The following CERS6 variants were observed in gnomAD, a reference collection of about 807,000 sequenced individuals.
CERS6 encodes LAG1 homolog, ceramide synthase 6.
A neutral mutation model predicts 56.8 loss-of-function variants in CERS6; 26 were observed. That is an observed-to-expected ratio of 0.46 (90% confidence interval 0.34 to 0.63). CERS6 has a LOEUF of 0.63. CERS6 is among the 30% of genes least tolerant of loss of function. The pLI, the probability that CERS6 is intolerant of heterozygous loss-of-function variation, is 0.01. For missense variants in CERS6, 415 were observed against 467.5 expected, an observed-to-expected ratio of 0.89 and a Z score of 1.04; for synonymous variants, 164 against 173.3, an observed-to-expected ratio of 0.95 and a Z score of 0.42.
At chr2:168,491,324 A>G (rs1694369169) in intron 1 of CERS6, among the ~76,000 whole-genome samples, 2 of 152,232 alleles carry the variant, frequency 1.3e-5, no homozygotes, top group Admixed American at 1.3e-4. Flanking sequence ...GCTGTTTTTC[A>G]TTAAAAGCAG....
intron 3 of CERS6, among the ~76,000 whole-genome samples, chr2:168,604,991 T>C (rs1207666213): frequency 6.6e-6 from 1 of 152,196 alleles, no homozygotes. Context: ...GGTAATGGGC[T>C]TCTCAGAAGA....
At chr2:168,547,794 CA>C (rs1695493678) in intron 2 of CERS6, 93 bp downstream of exon 2, 1 of 851,674 alleles carries the variant, frequency 1.2e-6, no homozygotes, top group Non-Finnish European at 2.0e-6. Context: ...TTTGGAGAAT[CA>C]ACTTTTGCCT....
chr2:168,480,877 G>A (rs1211955428), intron 1 of CERS6, among the ~76,000 whole-genome samples: 8 of 152,206 alleles, frequency 5.3e-5, no homozygotes, highest in African/African-American at 1.9e-4. Context: ...GCCAGAGTCT[G>A]TTGAGGACAT....
intron 3 of CERS6, among the ~76,000 whole-genome samples, chr2:168,624,218 G>A (rs1024142240): frequency 6.6e-6 from 1 of 152,154 alleles, no homozygotes; most frequent in Non-Finnish European, 1.5e-5. Context: ...TTAGAGAAAT[G>A]AAGAGTAAAC....
At position 168,589,056 on chromosome 2, in the gene CERS6, G is replaced by C. The variant is rs1355475217; in HGVS notation, c.407+27734G>C. Among the ~76,000 whole-genome samples, 3 of 152,150 alleles carry C rather than the reference G, an allele frequency of 2.0e-5. No individual in the cohort carries two copies. The East Asian group carries it at 5.8e-4, about 29-fold the overall frequency. On this transcript the variant is annotated intron_variant, in intron 3 of 9. Transcript: ENST00000305747. ...CGCACAGCCCCTGCTTAGTTCTTTT[G>C]GGTATATAGAAGTGGGATTGCTGCA... is the stretch of plus-strand genomic sequence containing the variant.
chr2:168,675,252 G>C, intron 4 of CERS6, among the ~76,000 whole-genome samples: 1 of 152,124 alleles, frequency 6.6e-6, no homozygotes, highest in South Asian at 2.1e-4. Context: ...GATTACAGGC[G>C]TGAGCCACCG....
At chr2:168,579,132 A>T (rs999010363) in intron 3 of CERS6, among the ~76,000 whole-genome samples, 1 of 152,208 alleles carries the variant, frequency 6.6e-6, no homozygotes, top group African/African-American at 2.4e-5. Context: ...TACAGCTTTG[A>T]CAATGGTACA....
rs1240422764 is a variant in CERS6 at position 168,539,219 on chromosome 2, C to A, written c.171-8377C>A. On this transcript the variant is annotated intron_variant, in intron 1 of 9. Coordinates refer to ENST00000305747, the MANE Select transcript of CERS6 (RefSeq NM_203463.3). ...TGACCTCGTGATCCGCCCGCCTCGG[C>A]CTCCCAAAGTGCTGGGATTACAGGC... is the stretch of plus-strand genomic sequence containing the variant. Among the ~76,000 whole-genome samples, 12 of 1,204 alleles carry A rather than the reference C, an allele frequency of 1.0e-2. 6 individuals are homozygous for A. Among genetic ancestry groups the A allele is most frequent in the African/African-American group, 0.01 (12 of 1,174 alleles). The allele number at this position is 1,204 out of a possible 152,430, so 0.8% of individuals were successfully genotyped here. A position where few individuals can be genotyped will look rare whatever the true frequency, so the allele number is the denominator to read the frequency against.
intron 1 of CERS6, among the ~76,000 whole-genome samples, chr2:168,495,794 G>C (rs371907623): frequency 6.6e-6 from 1 of 152,080 alleles, no homozygotes; most frequent in Non-Finnish European, 1.5e-5. Context: ...CCTTTCAGGG[G>C]GGGCATGATT....
intron 8 of CERS6, among the ~76,000 whole-genome samples, chr2:168,727,008 G>A (rs1683371255): frequency 6.6e-6 from 1 of 152,120 alleles, no homozygotes; most frequent in Non-Finnish European, 1.5e-5. Flanking sequence ...AAGTGAATGG[G>A]CATACCACTG....
At chr2:168,498,412 G>A (rs1694513466) in intron 1 of CERS6, among the ~76,000 whole-genome samples, 1 of 152,134 alleles carries the variant, frequency 6.6e-6, no homozygotes, top group South Asian at 2.1e-4. Context: ...GCAGGAAGCA[G>A]AGCCTCTGGC....
In CERS6 at chr2:168,770,379, A is replaced by G. The variant is rs1441886067; in HGVS notation, c.*717A>G. ...GTTGAGGGTTAACCTTGTAGGTTGC[A>G]GAGTGTATTTGTTTGTTTGTTTGTT... On this transcript the variant is annotated 3_prime_UTR_variant, in exon 10 of 10. Transcript: ENST00000305747. 6.6e-6 allele frequency: 1 copy of G among 152,280 alleles called. No individual in the cohort carries two copies. The highest frequency in any genetic ancestry group is 2.4e-5 in the African/African-American group (1 of 41,468). 9.4% of individuals were successfully genotyped at this position (152,280 alleles called of 1,614,324 possible). A position where few individuals can be genotyped will look rare whatever the true frequency, so the allele number is the denominator to read the frequency against.
intron 1 of CERS6, among the ~76,000 whole-genome samples, chr2:168,523,868 C>T (rs569182954): frequency 3.9e-5 from 6 of 152,104 alleles, no homozygotes; most frequent in Non-Finnish European, 7.4e-5. Context: ...GTGGGCATAT[C>T]GGGAAGTATT....
intron 1 of CERS6, among the ~76,000 whole-genome samples, chr2:168,537,620 T>C (rs1013946169): frequency 1.3e-5 from 2 of 152,230 alleles, no homozygotes; most frequent in East Asian, 1.9e-4. Flanking sequence ...ATATAATATT[T>C]CAGGGGTTTC....
intron 3 of CERS6, among the ~76,000 whole-genome samples, chr2:168,610,688 T>C (rs888071816): frequency 6.6e-6 from 1 of 152,204 alleles, no homozygotes; most frequent in Non-Finnish European, 1.5e-5. Flanking sequence ...GAGTAGACCA[T>C]CCCACCCATC....
At chr2:168,634,529 C>T (rs925955062) in intron 4 of CERS6, among the ~76,000 whole-genome samples, 1 of 152,156 alleles carries the variant, frequency 6.6e-6, no homozygotes, top group Non-Finnish European at 1.5e-5. Flanking sequence ...TCTTGTGCCT[C>T]AGCCTCCCAA....
At chr2:168,673,241 G>A (rs1462007697) in intron 4 of CERS6, among the ~76,000 whole-genome samples, 3 of 152,128 alleles carry the variant, frequency 2.0e-5, no homozygotes, top group Non-Finnish European at 2.9e-5. Flanking sequence ...GACACATTGA[G>A]AAGCAATTAC....
intron 1 of CERS6, among the ~76,000 whole-genome samples, chr2:168,507,733 A>G (rs574380320): frequency 1.3e-5 from 2 of 152,062 alleles, no homozygotes; most frequent in Non-Finnish European, 2.9e-5. Flanking sequence ...TGAATCAACT[A>G]CCCTAAGATG....
intron 1 of CERS6, among the ~76,000 whole-genome samples, chr2:168,530,526 T>C (rs13399201): frequency 0.18 from 26,804 of 152,222 alleles, 2,731 homozygotes; most frequent in Middle Eastern, 0.23. Context: ...TGTTTTTTTA[T>C]ATCTGGTTTT....
Sources: gnomAD v4.1 joint callset for allele counts (sites outside exome capture counted in the v4.1 genomes callset) on GRCh38, gnomAD v4.1.1 for gene constraint, MANE v1.5 for transcripts, NCBI Gene and HGNC (gene_info 2026-07-23, HGNC 2026-07-21) for gene names.